CACNA2D2: variants seen among roughly 807,000 people sequenced by gnomAD.
The protein encoded by CACNA2D2 is calcium voltage-gated channel auxiliary subunit alpha2delta 2.
In CACNA2D2, 48 loss-of-function variants were observed where a neutral mutation model predicts 166.4. The observed-to-expected ratio is 0.29, with a 90% CI of 0.23 to 0.37. The LOEUF is 0.37. Ranked by LOEUF, CACNA2D2 falls within the 10% of genes least tolerant of loss-of-function variation. The probability of loss-of-function intolerance (pLI) is 1.00; values close to 1 mark genes in which losing one functional copy is unlikely to be tolerated. For synonymous variants in CACNA2D2, 561 were observed against 573.7 expected (o/e 0.98, Z 0.32); for missense variants, 1,122 against 1,433.0 (o/e 0.78, Z 3.50).
chr3:50,365,108 C>G lies in CACNA2D2; in HGVS notation c.3175G>C (p.Glu1059Gln), dbSNP rs370479928. The G allele has an allele frequency of 1.4e-5, 22 of 1,611,930 alleles. No homozygotes were observed. Among genetic ancestry groups the G allele is most frequent in the Non-Finnish European group, 1.8e-5 (21 of 1,179,682 alleles). Residue 1059 changes from glutamate (E) to glutamine (Q), a missense_variant, in exon 36 of 38, where the codon GAG becomes CAG. Physicochemically the swap from Glu to Gln is conservative, Grantham distance 29. Coordinates refer to ENST00000424201, the MANE Select transcript of CACNA2D2 (RefSeq NM_006030.4). This position sits in a 1 kb window ranked among gnomAD's most constrained non-coding sequence, Gnocchi z 4.5. ...TCCTTCTGCAGCAGCCGGCCAGCCT[C>G]GCACTGGCTGCACAGCGGCTTCTCG... ...VAEKPLCSQC[E>Q]AGRLLQKETH... is the part of the protein sequence containing the mutation.
Position 50,380,881 on chromosome 3 carries a change from G to A in CACNA2D2, c.785-76C>T, listed in dbSNP as rs1017916023. Reference sequence around the variant, plus strand: ...GTAGGCAGACCTTGCAGAGGCGACTGGGCTGCCACAGACTACAGAGAAGCC... The same window carrying A: ...GTAGGCAGACCTTGCAGAGGCGACTAGGCTGCCACAGACTACAGAGAAGCC... On this transcript the variant is annotated intron_variant, in intron 7 of 37. Coordinates refer to ENST00000424201, the MANE Select transcript of CACNA2D2 (RefSeq NM_006030.4). This position sits in a 1 kb window ranked among gnomAD's most constrained non-coding sequence, Gnocchi z 4.9. 3.7e-5 allele frequency: 57 copies of A among 1,532,496 alleles called. No individual in the cohort carries two copies. In the Admixed American group the frequency reaches 1.1e-3, roughly 30 times the overall value. The allele number at this position is 1,532,496 out of a possible 1,614,324, so 94.9% of individuals were successfully genotyped here. A position where few individuals can be genotyped will look rare whatever the true frequency, so the allele number is the denominator to read the frequency against.
Position 50,379,245 on chromosome 3 carries a change from T to G in CACNA2D2, c.1153-46A>C. 6.5e-7 allele frequency: 1 copy of G among 1,539,140 alleles called. No homozygotes were observed. ...GCAGGCAGCTCTCAGCCCTCCCTGG[T>G]CCAGGGGCAGGGCCTCCCTCCCGCA... On this transcript the variant is annotated intron_variant, in intron 11 of 37. Coordinates refer to ENST00000424201, the MANE Select transcript of CACNA2D2 (RefSeq NM_006030.4). The surrounding 1 kb of genome is among the most constrained non-coding windows in gnomAD (Gnocchi z 6.5).
intron 2 of CACNA2D2, among the ~76,000 whole-genome samples, chr3:50,464,992 T>C (rs1364078363): frequency 1.3e-5 from 2 of 152,122 alleles, no homozygotes; most frequent in South Asian, 2.1e-4. Context: ...GAGATGCACA[T>C]GGGAGGAAAT....
Position 50,375,512 on chromosome 3 carries a change from T to C in CACNA2D2, c.1907+132A>G. 1 of 862,182 alleles carries C rather than the reference T, an allele frequency of 1.2e-6. No homozygotes were observed. The highest frequency in any genetic ancestry group is 1.6e-5 in the South Asian group (1 of 63,116). 53.4% of individuals were successfully genotyped at this position (862,182 alleles called of 1,614,324 possible). ...TCTTGGCAGACTAAGCATCTCAGGG[T>C]GAGTAGTGAGCAGCCCTGGCCACTG... On this transcript the variant is annotated intron_variant, in intron 21 of 37. Transcript: ENST00000424201. The surrounding 1 kb of genome is among the most constrained non-coding windows in gnomAD (Gnocchi z 4.0).
chr3:50,437,428 A>G (rs1708401084), intron 2 of CACNA2D2, among the ~76,000 whole-genome samples: 1 of 152,224 alleles, frequency 6.6e-6, no homozygotes, highest in South Asian at 2.1e-4. Flanking sequence ...GCAGAATCCC[A>G]GAAGTGCAGG....
At chr3:50,450,506 C>A (rs1021389168) in intron 2 of CACNA2D2, among the ~76,000 whole-genome samples, 3 of 152,186 alleles carry the variant, frequency 2.0e-5, no homozygotes, top group African/African-American at 4.8e-5. Flanking sequence ...CCGCCCTGCA[C>A]CCCCATCACC....
rs1553750625 is a variant in CACNA2D2 at position 50,462,430 on chromosome 3, A to AATGATG, written c.288+13687_288+13688insCATCAT. ...TAATAATAATAATAATAATAATAAT[A>AATGATG]ATGATAATAATAATAAAACTAACAA... On this transcript the variant is annotated intron_variant, in intron 2 of 37. Transcript: ENST00000424201. 3.5e-4 allele frequency among the ~76,000 whole-genome samples: 50 copies of AATGATG among 141,946 alleles called. No homozygotes were observed. The East Asian group carries it at 4.0e-3, about 11-fold the overall frequency. 93.1% of individuals were successfully genotyped at this position (141,946 alleles called of 152,430 possible). A position where few individuals can be genotyped will look rare whatever the true frequency, so the allele number is the denominator to read the frequency against.
At position 50,412,463 on chromosome 3, in the gene CACNA2D2, G is replaced by A. The variant is rs558280537; in HGVS notation, c.406-18295C>T. 1.8e-4 allele frequency among the ~76,000 whole-genome samples: 27 copies of A among 152,290 alleles called. 1 individual carries two copies. The South Asian group carries it at 5.4e-3, about 30-fold the overall frequency. On this transcript the variant is annotated intron_variant, in intron 3 of 37. Coordinates refer to ENST00000424201, the MANE Select transcript of CACNA2D2 (RefSeq NM_006030.4). ...ATTTTCTACCACATTTCACCAGATC[G>A]AAATCCCCTTCTGCCTGCACAGTCA...
At chr3:50,477,320 A>C (rs1279807229) in intron 1 of CACNA2D2, among the ~76,000 whole-genome samples, 3 of 152,128 alleles carry the variant, frequency 2.0e-5, no homozygotes, top group Non-Finnish European at 4.4e-5. Context: ...TGTTATAAGA[A>C]CACATGAGAA....
intron 3 of CACNA2D2, among the ~76,000 whole-genome samples, chr3:50,431,991 A>C (rs964554938): frequency 1.2e-4 from 18 of 151,726 alleles, no homozygotes; most frequent in Non-Finnish European, 7.4e-5. Flanking sequence ...AAAAAAAAAA[A>C]AAAAAAAAAC....
intron 3 of CACNA2D2, among the ~76,000 whole-genome samples, chr3:50,419,095 T>C (rs1707419370): frequency 6.6e-6 from 1 of 151,830 alleles, no homozygotes; most frequent in Non-Finnish European, 1.5e-5. Context: ...GGAGAGATTA[T>C]GGGAGGGGGA....
intron 3 of CACNA2D2, among the ~76,000 whole-genome samples, chr3:50,423,646 G>A (rs778752666): frequency 2.0e-5 from 3 of 152,260 alleles, no homozygotes; most frequent in Admixed American, 6.5e-5. Flanking sequence ...GCTGATCTCC[G>A]TAACTGGGCT....
At chr3:50,471,601 G>C (rs372221716) in intron 2 of CACNA2D2, among the ~76,000 whole-genome samples, 1 of 152,232 alleles carries the variant, frequency 6.6e-6, no homozygotes, top group African/African-American at 2.4e-5. Context: ...AGCACCCCCA[G>C]AGTCAGTGTG....
chr3:50,364,384 G>C lies in CACNA2D2; in HGVS notation c.*282C>G, dbSNP rs1321118834. The C allele has an allele frequency of 1.2e-5, 5 of 426,092 alleles. No individual in the cohort carries two copies. The highest frequency in any genetic ancestry group is 2.1e-5 in the African/African-American group (1 of 48,742). The allele number at this position is 426,092 out of a possible 1,614,324, so 26.4% of individuals were successfully genotyped here. ...CCTGGTTTTGGCACCAGTGCGTGTG[G>C]CCTCCCTGTCCCATCCCACTGGGGG... On this transcript the variant is annotated 3_prime_UTR_variant, in exon 38 of 38. Transcript: ENST00000424201.
chr3:50,418,080 T>C (rs1005480438), intron 3 of CACNA2D2, among the ~76,000 whole-genome samples: 1 of 152,096 alleles, frequency 6.6e-6, no homozygotes, highest in African/African-American at 2.4e-5. Context: ...GAGGCAGGAC[T>C]GTACTTGTGC....
At chr3:50,428,317 A>G (rs1310398690) in intron 3 of CACNA2D2, among the ~76,000 whole-genome samples, 1 of 152,024 alleles carries the variant, frequency 6.6e-6, no homozygotes, top group Non-Finnish European at 1.5e-5. Flanking sequence ...TGCTTTAGAT[A>G]AGGCTTTAGA....
intron 1 of CACNA2D2, among the ~76,000 whole-genome samples, chr3:50,480,467 T>TG (rs1427055863): frequency 6.9e-6 from 1 of 144,556 alleles, no homozygotes; most frequent in South Asian, 2.4e-4. Flanking sequence ...AAAGCTTGTG[T>TG]GGGGGGTGGG....
intron 1 of CACNA2D2, among the ~76,000 whole-genome samples, chr3:50,495,013 G>A (rs897782714): frequency 6.6e-6 from 1 of 152,196 alleles, no homozygotes; most frequent in Non-Finnish European, 1.5e-5. Context: ...GTACATCAGT[G>A]CGAGGAAGGC....
chr3:50,498,294 G>A (rs1698807802), intron 1 of CACNA2D2, among the ~76,000 whole-genome samples: 1 of 151,974 alleles, frequency 6.6e-6, no homozygotes, highest in Non-Finnish European at 1.5e-5. Flanking sequence ...CCATCCGGAT[G>A]GCATGAGGCT....
Sources: allele counts gnomAD v4.1 joint callset (sites outside exome capture counted in the v4.1 genomes callset), GRCh38; gene constraint gnomAD v4.1.1; non-coding constraint Gnocchi (gnomAD v3.1); transcripts MANE v1.5; gene names NCBI Gene and HGNC (gene_info 2026-07-23, HGNC 2026-07-21).